MARCO: variants seen among roughly 807,000 people sequenced by gnomAD.
MARCO encodes the protein macrophage receptor with collagenous structure, also known as macrophage receptor MARCO.
In MARCO, 72 loss-of-function variants were observed where a neutral mutation model predicts 70.0. The observed-to-expected ratio is 1.03, with a 90% CI of 0.85 to 1.25. MARCO has a LOEUF of 1.25. Among genes scored for constraint, MARCO ranks in the 50% most tolerant of loss-of-function variants. The pLI, the probability that MARCO is intolerant of heterozygous loss-of-function variation, is 0.00. For synonymous variants in MARCO, 273 were observed against 243.1 expected (o/e 1.12, Z -1.14); for missense variants, 696 against 659.3 (o/e 1.06, Z -0.61).
At chr2:118,973,184 CAG>C (rs1446187944) in intron 4 of MARCO, among the ~76,000 whole-genome samples, 1 of 137,138 alleles carries the variant, frequency 7.3e-6, no homozygotes, top group Non-Finnish European at 1.6e-5. Flanking sequence ...TGTATGTACA[CAG>C]AGAAAAACTC....
At chr2:118,956,628 C>T (rs976840940) in intron 1 of MARCO, among the ~76,000 whole-genome samples, 1 of 152,056 alleles carries the variant, frequency 6.6e-6, no homozygotes, top group African/African-American at 2.4e-5. Flanking sequence ...TAAACTATAC[C>T]TTTGAGCAAA....
chr2:118,947,463 A>T (rs1260321548), intron 1 of MARCO, among the ~76,000 whole-genome samples: 1 of 152,014 alleles, frequency 6.6e-6, no homozygotes, highest in Non-Finnish European at 1.5e-5. Flanking sequence ...GGCTCATACC[A>T]CCATGCCTGC....
chr2:118,992,617 T>G (rs1573412861), intron 15 of MARCO, 141 bp downstream of exon 15: 3 of 687,930 alleles, frequency 4.4e-6, no homozygotes, highest in Middle Eastern at 4.9e-4. Context: ...GTCCCTTGAA[T>G]GAGCCTGCCC....
At chr2:118,976,771 C>T (rs1184745428) in intron 6 of MARCO, among the ~76,000 whole-genome samples, 3 of 152,184 alleles carry the variant, frequency 2.0e-5, no homozygotes. Flanking sequence ...GACAGAGCTA[C>T]AATTCAAACA....
chr2:118,978,417 T>C (rs1460944912), intron 8 of MARCO, among the ~76,000 whole-genome samples: 1 of 152,184 alleles, frequency 6.6e-6, no homozygotes. Context: ...CGAGGGTCTG[T>C]TTCAAATGCC....
At chr2:118,960,620 C>T (rs1161108004) in intron 1 of MARCO, among the ~76,000 whole-genome samples, 2 of 152,132 alleles carry the variant, frequency 1.3e-5, no homozygotes, top group African/African-American at 2.4e-5. Context: ...AAGTTTAAAA[C>T]ATTGAACCAT....
chr2:118,955,635 C>T (rs1334954327), intron 1 of MARCO, among the ~76,000 whole-genome samples: 2 of 152,098 alleles, frequency 1.3e-5, no homozygotes, highest in African/African-American at 4.8e-5. Flanking sequence ...AAGATCTTCC[C>T]CTAGACACAT....
At chr2:118,975,942 G>A (rs1423223355) in intron 6 of MARCO, among the ~76,000 whole-genome samples, 1 of 152,192 alleles carries the variant, frequency 6.6e-6, no homozygotes, top group Admixed American at 6.5e-5. Context: ...CACTCAGCCT[G>A]TGGGGGCTTG....
At chr2:118,961,438 T>C (rs1180822509) in intron 1 of MARCO, among the ~76,000 whole-genome samples, 1 of 152,248 alleles carries the variant, frequency 6.6e-6, no homozygotes, top group African/African-American at 2.4e-5. Flanking sequence ...TATCTCATTG[T>C]GGTTTTGATT....
intron 12 of MARCO, among the ~76,000 whole-genome samples, chr2:118,987,126 G>C (rs1443519586): frequency 6.6e-6 from 1 of 152,192 alleles, no homozygotes; most frequent in African/African-American, 2.4e-5. Flanking sequence ...CATTTCTTGG[G>C]AGAATATTAT....
At chr2:118,988,370 T>C (rs1680555611) in intron 12 of MARCO, among the ~76,000 whole-genome samples, 3 of 151,822 alleles carry the variant, frequency 2.0e-5, no homozygotes, top group Admixed American at 2.0e-4. Context: ...CAATAAAGGG[T>C]GGTCACAGTG....
Position 118,982,397 on chromosome 2 carries a change from C to A in MARCO, c.1050C>A (p.Ser350Arg), listed in dbSNP as rs1680412077. 1 of 1,613,944 alleles carries A rather than the reference C, an allele frequency of 6.2e-7. No homozygotes were observed. The highest frequency in any genetic ancestry group is 8.5e-7 in the Non-Finnish European group (1 of 1,179,924). ...CAGGAGCCACAGGCCTGAAAGGAAGCAAAGGGGACACAGGTAACAGAGGGT... is the reference window on the plus strand; with the variant it reads ...CAGGAGCCACAGGCCTGAAAGGAAGAAAAGGGGACACAGGTAACAGAGGGT... ...GSPGATGLKG[S>R]KGDTGLQGQQ... The change falls in exon 12 of 17, where the codon AGC becomes AGA. Residue 350 changes from serine to arginine, a missense_variant. Coordinates refer to ENST00000327097, the MANE Select transcript of MARCO (RefSeq NM_006770.4).
chr2:118,977,723 G>T (rs112574078), intron 7 of MARCO, 105 bp from the exon 8 acceptor site: 3 of 919,558 alleles, frequency 3.3e-6, no homozygotes, highest in Non-Finnish European at 5.0e-6. Context: ...GGAAATCTGG[G>T]GATCCCATTC....
chr2:118,945,342 A>G lies in MARCO; in HGVS notation c.97+2945A>G, dbSNP rs574317663. 9.2e-5 allele frequency among the ~76,000 whole-genome samples: 14 copies of G among 151,352 alleles called. No individual in the cohort carries two copies. In the South Asian group the frequency reaches 2.9e-3, roughly 32 times the overall value. ...TTTCTCAAGGAAGACTACTGTTACC[A>G]CAGCCTAACAAGACAAGCACTTGTT... On this transcript the variant is annotated intron_variant, in intron 1 of 16. Transcript: ENST00000327097.
chr2:118,972,534 C>T (rs568526743), intron 4 of MARCO, among the ~76,000 whole-genome samples: 120 of 152,230 alleles, frequency 7.9e-4, no homozygotes, highest in African/African-American at 2.1e-3. Context: ...GCTCTATGTC[C>T]TCCCCCGTAA....
intron 13 of MARCO, 44 bp from the exon 14 acceptor site, chr2:118,991,733 A>T: frequency 1.6e-6 from 2 of 1,243,790 alleles, no homozygotes; most frequent in South Asian, 1.4e-5. Context: ...TCTCTTGGGA[A>T]GGCAAAGCAG....
intron 1 of MARCO, among the ~76,000 whole-genome samples, chr2:118,951,037 C>T (rs1679712897): frequency 6.6e-6 from 1 of 152,208 alleles, no homozygotes; most frequent in Admixed American, 6.5e-5. Context: ...ATAGATGACT[C>T]CTTCCTGAAT....
At chr2:118,992,185 CTGA>C (rs1680635662) in intron 14 of MARCO, among the ~76,000 whole-genome samples, 2 of 152,202 alleles carry the variant, frequency 1.3e-5, no homozygotes, top group Non-Finnish European at 2.9e-5. Context: ...CTCCATATCT[CTGA>C]CCAGACCAAG....
intron 12 of MARCO, among the ~76,000 whole-genome samples, chr2:118,990,005 G>T (rs1326654830): frequency 1.3e-5 from 2 of 152,150 alleles, no homozygotes; most frequent in Non-Finnish European, 2.9e-5. Flanking sequence ...AAGAAAGGGG[G>T]ACCTTTAACA....
Sources: gnomAD v4.1 joint callset for allele counts (sites outside exome capture counted in the v4.1 genomes callset) on GRCh38, gnomAD v4.1.1 for gene constraint, MANE v1.5 for transcripts, NCBI Gene and HGNC (gene_info 2026-07-23, HGNC 2026-07-21) for gene names.